Variants in CD200R1 observed in about 807,000 individuals in gnomAD.
CD200R1 encodes cell surface glycoprotein CD200 receptor 1.
CD200R1 carries 30 observed loss-of-function variants against 38.1 expected under a neutral mutation model. The ratio of observed to expected loss-of-function variants is 0.79; its 90% CI spans 0.59 to 1.07. CD200R1 has a LOEUF of 1.07. Among genes scored for constraint, CD200R1 ranks in the 50% least tolerant of loss-of-function variants. The pLI is 0.00. For missense variants in CD200R1, 372 were observed against 415.4 expected (o/e 0.90, Z 0.91); for synonymous variants, 128 against 152.1 (o/e 0.84, Z 1.16).
intron 1 of CD200R1, among the ~76,000 whole-genome samples, chr3:112,954,175 T>C (rs928655574): frequency 7.2e-5 from 11 of 152,182 alleles, no homozygotes; most frequent in African/African-American, 2.7e-4. Context: ...CTTTTAATTT[T>C]ATTGGCCAAT....
chr3:112,931,407 C>A (rs1327843395), intron 2 of CD200R1, among the ~76,000 whole-genome samples: 2 of 152,146 alleles, frequency 1.3e-5, no homozygotes, highest in African/African-American at 4.8e-5. Flanking sequence ...TCGTGATACA[C>A]CTTGTTTTGA....
intron 6 of CD200R1, 94 bp downstream of exon 6, chr3:112,924,991 C>T (rs1940249178): frequency 2.7e-6 from 2 of 739,510 alleles, no homozygotes; most frequent in Non-Finnish European, 4.7e-6. Context: ...TTGATGTTAA[C>T]ATCCTAATAT....
At position 112,929,333 on chromosome 3, in the gene CD200R1, T is replaced by C; in HGVS notation, c.377A>G (p.Glu126Gly). Reference protein sequence around the residue: ...NETKETNCTDERITWVSRPDQ... With the variant: ...NETKETNCTDGRITWVSRPDQ... ...AGGTCTGGAGACCCAGGTTATTCTC[T>C]CATCAGTACAGTTGGTTTCCTTGGT... Residue 126 changes from glutamate to glycine, a missense_variant, in exon 4 of 8, where the codon GAG (glutamate) becomes GGG (glycine). Glu to Gly is a moderately conservative substitution (Grantham distance 98, BLOSUM62 -2). Coordinates refer to ENST00000308611, the MANE Select transcript of CD200R1 (RefSeq NM_138806.4). The C allele has an allele frequency of 1.2e-6, 2 of 1,614,204 alleles. No individual in the cohort carries two copies. The highest frequency in any genetic ancestry group is 1.7e-6 in the Non-Finnish European group (2 of 1,180,030).
intron 5 of CD200R1, among the ~76,000 whole-genome samples, chr3:112,926,944 G>A (rs1940293556): frequency 6.6e-6 from 1 of 152,110 alleles, no homozygotes; most frequent in Non-Finnish European, 1.5e-5. Flanking sequence ...AAACTCTAGA[G>A]TAGGAAGCAT....
At chr3:112,962,187 G>C (rs559453885) in intron 1 of CD200R1, among the ~76,000 whole-genome samples, 1 of 151,974 alleles carries the variant, frequency 6.6e-6, no homozygotes, top group African/African-American at 2.4e-5. Flanking sequence ...TTTTGGTTTT[G>C]GGAGTATTTT....
At chr3:112,967,965 TC>T (rs1390384771) in intron 1 of CD200R1, among the ~76,000 whole-genome samples, 1 of 152,250 alleles carries the variant, frequency 6.6e-6, no homozygotes, top group African/African-American at 2.4e-5. Context: ...CTAAAGTACT[TC>T]CTTTGTGAAG....
chr3:112,936,596 T>C (rs115160537), intron 2 of CD200R1, among the ~76,000 whole-genome samples: 2,664 of 152,370 alleles, frequency 0.017, 40 homozygotes, highest in Non-Finnish European at 0.027. Context: ...GTTGCATGTA[T>C]GTCTTCTTTT....
At chr3:112,935,198 T>C (rs756086177) in intron 2 of CD200R1, among the ~76,000 whole-genome samples, 1 of 151,952 alleles carries the variant, frequency 6.6e-6, no homozygotes, top group Non-Finnish European at 1.5e-5. Flanking sequence ...AGACAGAAAA[T>C]CAAGAAACAT....
intron 2 of CD200R1, among the ~76,000 whole-genome samples, chr3:112,932,738 G>A (rs1940478481): frequency 6.6e-6 from 1 of 152,112 alleles, no homozygotes; most frequent in South Asian, 2.1e-4. Context: ...CCACAACTGG[G>A]GCCTGAGAAA....
At chr3:112,928,220 G>C (rs2107302337) in intron 5 of CD200R1, among the ~76,000 whole-genome samples, 1 of 152,270 alleles carries the variant, frequency 6.6e-6, no homozygotes, top group Non-Finnish European at 1.5e-5. Flanking sequence ...CAATTGGGTT[G>C]GAAAGACAGG....
At chr3:112,970,530 C>A (rs1286469158) in intron 1 of CD200R1, among the ~76,000 whole-genome samples, 2 of 152,224 alleles carry the variant, frequency 1.3e-5, no homozygotes, top group East Asian at 3.9e-4. Context: ...TCCCAGTCAG[C>A]AATTGACAAA....
intron 2 of CD200R1, among the ~76,000 whole-genome samples, chr3:112,932,853 C>T (rs758590827): frequency 1.3e-5 from 2 of 152,026 alleles, no homozygotes; most frequent in Non-Finnish European, 2.9e-5. Context: ...GCAAATATAA[C>T]CCCAGGCCTA....
At position 112,947,905 on chromosome 3, in the gene CD200R1, T is replaced by C; in HGVS notation, c.87A>G (p.Gln29=). 1 of 1,612,738 alleles carries C rather than the reference T, an allele frequency of 6.2e-7. No individual in the cohort carries two copies. Among genetic ancestry groups the C allele is most frequent in the Non-Finnish European group, 8.5e-7 (1 of 1,178,722 alleles). The change falls in exon 2 of 8, where the codon CAA becomes CAG. Residue 29 remains glutamine, a synonymous_variant. Transcript: ENST00000308611. ...TTTGCAGCATTAATGAGTTGTTTGGTTGAGCAGCACCCTCCGCTTCTGAAT... is the reference window on the plus strand; with the variant it reads ...TTTGCAGCATTAATGAGTTGTTTGGCTGAGCAGCACCCTCCGCTTCTGAAT... ...FLVAEAEGAA[Q]PNNSLMLQTS... is the part of the protein sequence containing the mutation.
At chr3:112,974,652 G>C (rs558027767) in intron 1 of CD200R1, 139 bp downstream of exon 1, 52 of 659,378 alleles carry the variant, frequency 7.9e-5, no homozygotes, top group Middle Eastern at 3.1e-4. Context: ...ACTAGATATG[G>C]GAGTAACCCA....
intron 2 of CD200R1, among the ~76,000 whole-genome samples, chr3:112,933,757 T>A (rs765754788): frequency 6.6e-6 from 1 of 151,968 alleles, no homozygotes; most frequent in Non-Finnish European, 1.5e-5. Context: ...AAACAATTTG[T>A]GATTTAAATG....
In CD200R1 at chr3:112,929,310, G is replaced by C. The variant is rs201554281; in HGVS notation, c.400C>G (p.Pro134Ala). Residue 134 changes from proline (P) to alanine (A), a missense_variant, in exon 4 of 8, where the codon CCT (proline) becomes GCT (alanine). Transcript: ENST00000308611. ...TDERITWVSR[P>A]DQNSDLQIRT... ...ATCTGAAGGTCCGAATTCTGATCAG[G>C]TCTGGAGACCCAGGTTATTCTCTCA... 6.2e-7 allele frequency: 1 copy of C among 1,614,176 alleles called. No homozygotes were observed. Among genetic ancestry groups the C allele is most frequent in the Admixed American group, 1.7e-5 (1 of 60,018 alleles).
intron 2 of CD200R1, among the ~76,000 whole-genome samples, chr3:112,933,906 T>G (rs1024121699): frequency 6.6e-6 from 1 of 151,932 alleles, no homozygotes; most frequent in African/African-American, 2.4e-5. Flanking sequence ...TGAAGACAAG[T>G]CTTTTGAAAT....
At chr3:112,942,447 A>T (rs1245809632) in intron 2 of CD200R1, among the ~76,000 whole-genome samples, 1 of 151,736 alleles carries the variant, frequency 6.6e-6, no homozygotes, top group Non-Finnish European at 1.5e-5. Flanking sequence ...TGACTAAAAA[A>T]GTAAAAATAG....
rs1471130859 is a variant in CD200R1 at position 112,925,191 on chromosome 3, G to A, written c.772C>T (p.Pro258Ser). 6.9e-7 allele frequency: 1 copy of A among 1,454,474 alleles called. No homozygotes were observed. The highest frequency in any genetic ancestry group is 1.4e-5 in the African/African-American group (1 of 71,266). 90.1% of individuals were successfully genotyped at this position (1,454,474 alleles called of 1,614,324 possible). A position where few individuals can be genotyped will look rare whatever the true frequency, so the allele number is the denominator to read the frequency against. Reference protein sequence around the residue: ...KSLYIELLPVPGAKKSAKLYI... With the variant: ...KSLYIELLPVSGAKKSAKLYI... ...AATTTTGCTGATTTTTTGGCACCTGGAACTATAGACACAAAAATATATGGT... is the reference window on the plus strand; with the variant it reads ...AATTTTGCTGATTTTTTGGCACCTGAAACTATAGACACAAAAATATATGGT... Residue 258 changes from proline to serine, a missense_variant and splice_region_variant, in exon 6 of 8, where the codon CCA becomes TCA. Pro to Ser is a moderately conservative substitution (Grantham distance 74). Transcript: ENST00000308611.
Sources: gnomAD v4.1 joint callset for allele counts (sites outside exome capture counted in the v4.1 genomes callset) on GRCh38, gnomAD v4.1.1 for gene constraint, MANE v1.5 for transcripts, NCBI Gene and HGNC (gene_info 2026-07-23, HGNC 2026-07-21) for gene names.